The following DMD variants were observed in gnomAD, a reference collection of about 807,000 sequenced individuals.
DMD encodes the protein dystrophin, also known as mutant dystrophin.
A neutral mutation model predicts 330.1 loss-of-function variants in DMD; 63 were observed. The ratio of observed to expected loss-of-function variants is 0.19; its 90% CI spans 0.16 to 0.24. DMD has a LOEUF of 0.24. DMD is among the 10% of genes least tolerant of loss of function. The pLI is 1.00. For synonymous variants in DMD, 1,223 were observed against 959.8 expected (o/e 1.27, Z -5.07); for missense variants, 3,344 against 2,684.1 (o/e 1.25, Z -5.43).
At chrX:32,589,737 T>A in intron 13 of DMD, among the ~76,000 whole-genome samples, 1 of 111,528 alleles carries the variant, frequency 9.0e-6, no homozygotes, top group Non-Finnish European at 1.9e-5. Flanking sequence ...CAATAGGATG[T>A]AACATTTGTA....
chrX:31,547,750 A>G (rs2147710792), intron 55 of DMD, among the ~76,000 whole-genome samples: 1 of 112,430 alleles, frequency 8.9e-6, no homozygotes, highest in African/African-American at 3.2e-5. Context: ...TAAATGAGTC[A>G]TTTTCAGACT....
intron 60 of DMD, among the ~76,000 whole-genome samples, chrX:31,407,683 T>C (rs1423044374): frequency 4.7e-5 from 5 of 107,483 alleles, no homozygotes; most frequent in African/African-American, 1.7e-4. Flanking sequence ...GGTTTCACCA[T>C]GTTAGCCAGG....
intron 2 of DMD, among the ~76,000 whole-genome samples, chrX:33,013,530 C>G (rs1033646670): frequency 1.6e-4 from 18 of 111,676 alleles, no homozygotes; most frequent in Non-Finnish European, 2.8e-4. Context: ...TAAAAACAAA[C>G]AGGAAGCCAG....
At chrX:31,428,071 A>C (rs1024298125) in intron 60 of DMD, among the ~76,000 whole-genome samples, 1 of 112,204 alleles carries the variant, frequency 8.9e-6, no homozygotes, top group Non-Finnish European at 1.9e-5. Context: ...ACCATGTGCC[A>C]GATGAGATGC....
At chrX:33,117,449 G>A (rs1025521769) in intron 1 of DMD, among the ~76,000 whole-genome samples, 1 of 111,579 alleles carries the variant, frequency 9.0e-6, no homozygotes, top group African/African-American at 3.3e-5. Context: ...GAATGTATAT[G>A]TATCAAATCA....
At chrX:32,843,980 T>A (rs1418837332) in intron 4 of DMD, among the ~76,000 whole-genome samples, 1 of 112,593 alleles carries the variant, frequency 8.9e-6, no homozygotes, top group East Asian at 2.8e-4. Context: ...TCTGTATAAT[T>A]TATATGCTTG....
At chrX:31,228,275 TAA>T (rs779738772) in intron 63 of DMD, among the ~76,000 whole-genome samples, 17,164 of 83,859 alleles carry the variant, frequency 0.2, 1,719 homozygotes, top group African/African-American at 0.39. Context: ...AATAAAAAAA[TAA>T]AAAAAAAAAA....
chrX:31,593,525 T>A (rs2076971731), intron 55 of DMD, among the ~76,000 whole-genome samples: 1 of 111,480 alleles, frequency 9.0e-6, no homozygotes. Context: ...CTTGAAAATG[T>A]CATTTGAGCC....
At chrX:31,320,526 C>A (rs2056335526) in intron 62 of DMD, among the ~76,000 whole-genome samples, 2 of 112,130 alleles carry the variant, frequency 1.8e-5, no homozygotes, top group African/African-American at 6.5e-5. Flanking sequence ...GAAGCACTGT[C>A]ACTGTAAACG....
intron 55 of DMD, among the ~76,000 whole-genome samples, chrX:31,617,407 G>A (rs1021277620): frequency 1.8e-5 from 2 of 109,818 alleles, no homozygotes; most frequent in Admixed American, 9.7e-5. Flanking sequence ...GGTGGAAGGC[G>A]CCTCTAATCC....
chrX:32,002,496 G>A (rs1040203054), intron 44 of DMD, among the ~76,000 whole-genome samples: 3 of 111,918 alleles, frequency 2.7e-5, no homozygotes, highest in African/African-American at 6.5e-5. Context: ...CATTAGCTAA[G>A]TTTCTCAATC....
intron 78 of DMD, among the ~76,000 whole-genome samples, chrX:31,126,124 T>C (rs1716873693): frequency 8.9e-6 from 1 of 111,734 alleles, no homozygotes; most frequent in South Asian, 3.7e-4. Flanking sequence ...GAACAATGCT[T>C]GGCACACAGT....
At chrX:32,226,945 G>A (rs1461651850) in intron 43 of DMD, among the ~76,000 whole-genome samples, 1 of 109,152 alleles carries the variant, frequency 9.2e-6, no homozygotes, top group Non-Finnish European at 1.9e-5. Flanking sequence ...ACAAAATGAT[G>A]ATTCTTAAAG....
intron 51 of DMD, among the ~76,000 whole-genome samples, chrX:31,748,727 C>T (rs902635346): frequency 4.5e-5 from 5 of 111,919 alleles, no homozygotes; most frequent in Admixed American, 3.8e-4. Flanking sequence ...TATTAACTTA[C>T]AGACACCATT....
At chrX:31,470,891 T>C (rs1436962623) in intron 59 of DMD, among the ~76,000 whole-genome samples, 1 of 112,351 alleles carries the variant, frequency 8.9e-6, no homozygotes, top group African/African-American at 3.2e-5. Context: ...ACAGTGGCTT[T>C]GCCGAGCTGC....
intron 30 of DMD, among the ~76,000 whole-genome samples, chrX:32,394,600 T>C (rs2098027096): frequency 9.0e-6 from 1 of 111,501 alleles, no homozygotes; most frequent in Admixed American, 9.6e-5. Context: ...TAACATGTCA[T>C]TTCCTCGTAA....
Position 32,322,319 on chromosome X carries a change from G to T in DMD, c.5923-12043C>A, listed in dbSNP as rs1405527156. 3.6e-5 allele frequency among the ~76,000 whole-genome samples: 4 copies of T among 111,602 alleles called. No homozygotes were observed. The Admixed American group carries it at 3.8e-4, about 11-fold the overall frequency. Reference sequence around the variant, plus strand: ...CACAACTGAAATCCCAGCACTTTAGGAGGCTGAGGTGAGAAGATTACTTGA... The same window carrying T: ...CACAACTGAAATCCCAGCACTTTAGTAGGCTGAGGTGAGAAGATTACTTGA... On this transcript the variant is annotated intron_variant, in intron 41 of 78. Coordinates refer to ENST00000357033, the MANE Select transcript of DMD (RefSeq NM_004006.3).
intron 2 of DMD, among the ~76,000 whole-genome samples, chrX:32,973,431 G>A (rs991017120): frequency 8.9e-6 from 1 of 111,966 alleles, no homozygotes; most frequent in African/African-American, 3.2e-5. Flanking sequence ...CAAGAGTAAT[G>A]TTTTGTGCCC....
rs1557025578 is a variant in DMD at position 31,951,153 on chromosome X, A to ATGTATG, written c.6614+17185_6614+17186insCATACA. On this transcript the variant is annotated intron_variant, in intron 45 of 78. Transcript: ENST00000357033. Reference sequence around the variant, plus strand: ...TATATATATATATGTGTATATATATATATATGTATATATATATATATGTAT... The same window carrying ATGTATG: ...TATATATATATATGTGTATATATATATGTATGTATATGTATATATATATATATGTAT... 2.5e-3 allele frequency among the ~76,000 whole-genome samples: 174 copies of ATGTATG among 69,691 alleles called. 3 individuals are homozygous for ATGTATG. The highest frequency in any genetic ancestry group is 3.4e-3 in the Non-Finnish European group (127 of 37,817). 60.5% of individuals were successfully genotyped at this position (69,691 alleles called of 115,157 possible).
Sources: allele counts gnomAD v4.1 joint callset (sites outside exome capture counted in the v4.1 genomes callset), GRCh38; gene constraint gnomAD v4.1.1; transcripts MANE v1.5; gene names NCBI Gene and HGNC (gene_info 2026-07-23, HGNC 2026-07-21).